MVB12A: variants seen among roughly 807,000 people sequenced by gnomAD.
The protein encoded by MVB12A is CIN85/CD2AP family binding protein.
In MVB12A, 30 loss-of-function variants were observed where a neutral mutation model predicts 34.3. That is an observed-to-expected ratio of 0.88 (90% CI 0.65 to 1.19). The LOEUF is 1.19. Ranked by LOEUF, MVB12A falls within the 50% of genes most tolerant of loss-of-function variation. MVB12A has a pLI of 0.00. For synonymous variants in MVB12A, 158 were observed against 158.9 expected (o/e 0.99, Z 0.04); for missense variants, 355 against 369.2 (o/e 0.96, Z 0.31).
intron 2 of MVB12A, among the ~76,000 whole-genome samples, chr19:17,407,993 T>C (rs2074740217): frequency 6.6e-6 from 1 of 152,234 alleles, no homozygotes; most frequent in Non-Finnish European, 1.5e-5. Flanking sequence ...ACTCTTGTCT[T>C]CTGGTCACAC....
intron 2 of MVB12A, among the ~76,000 whole-genome samples, chr19:17,411,347 AT>A (rs2074768075): frequency 6.6e-6 from 1 of 150,566 alleles, no homozygotes; most frequent in Non-Finnish European, 1.5e-5. Flanking sequence ...CCTACACCCA[AT>A]TTCCCCTCTT....
chr19:17,410,054 G>A (rs1241695004), intron 2 of MVB12A, among the ~76,000 whole-genome samples: 4 of 152,054 alleles, frequency 2.6e-5, no homozygotes, highest in Admixed American at 6.6e-5. Flanking sequence ...ACCACGCCCG[G>A]CCTTCCATTA....
In MVB12A at chr19:17,420,218, T is replaced by A; in HGVS notation, c.83T>A (p.Phe28Tyr). The change falls in exon 1 of 9, where the codon TTC (phenylalanine) becomes TAC (tyrosine). Residue 28 changes from phenylalanine to tyrosine, a missense_variant. Physicochemically the swap from Phe to Tyr is conservative, Grantham distance 22. Coordinates refer to ENST00000317040, the MANE Select transcript of MVB12A (RefSeq NM_138401.4). ...GCCTCTGCACCCCCGCCGCGGGGGT[T>A]CAGCGCGGTGAGCGGCGTCGAGGGG... Reference protein sequence around the residue: ...SSASAPPPRGFSAISCTVEGA... With the variant: ...SSASAPPPRGYSAISCTVEGA... 1.3e-6 allele frequency: 2 copies of A among 1,486,904 alleles called. No individual in the cohort carries two copies. The highest frequency in any genetic ancestry group is 2.8e-5 in the South Asian group (2 of 71,684). The allele number at this position is 1,486,904 out of a possible 1,614,324, so 92.1% of individuals were successfully genotyped here. A position where few individuals can be genotyped will look rare whatever the true frequency, so the allele number is the denominator to read the frequency against.
rs1371519052 is a variant in MVB12A, at chr19:17,420,122, G to C, written c.-14G>C. ...TGTGCCCCGCGACCCCGCCTTCGGC[G>C]CTCGGCTCGCAGGATGGATCCCGTA... is the stretch of plus-strand genomic sequence containing the variant. On this transcript the variant is annotated 5_prime_UTR_variant, in exon 1 of 9. Transcript: ENST00000317040. The C allele has an allele frequency of 1.5e-6, 2 of 1,327,676 alleles. No homozygotes were observed. 82.2% of individuals were successfully genotyped at this position (1,327,676 alleles called of 1,614,324 possible).
chr19:17,414,286 G>GA lies in MVB12A; in HGVS notation c.-5+8000dup, dbSNP rs530288981. 879 of 148,112 alleles carry GA rather than the reference G, an allele frequency of 5.9e-3. 7 individuals are homozygous for GA. The highest frequency in any genetic ancestry group is 0.045 in the Middle Eastern group (13 of 286). 9.2% of individuals were successfully genotyped at this position (148,112 alleles called of 1,614,324 possible). A position where few individuals can be genotyped will look rare whatever the true frequency, so the allele number is the denominator to read the frequency against. On this transcript the variant is annotated intron_variant, in intron 2 of 6. Coordinates refer to the MVB12A transcript ENST00000528604. ...ACAGAACAAGACTCTGTCTCAAAAGGAAAAAAAAAAGAATTCAGAATTCAC... is the reference window on the plus strand; with the variant it reads ...ACAGAACAAGACTCTGTCTCAAAAGGAAAAAAAAAAAGAATTCAGAATTCAC...
In MVB12A at chr19:17,422,042, G is replaced by C. The variant is rs185508310; in HGVS notation, c.287-290G>C. 15 of 263,624 alleles carry C rather than the reference G, an allele frequency of 5.7e-5. No homozygotes were observed. In the East Asian group the frequency reaches 1.1e-3, roughly 18 times the overall value. 16.3% of individuals were successfully genotyped at this position (263,624 alleles called of 1,614,324 possible). A position where few individuals can be genotyped will look rare whatever the true frequency, so the allele number is the denominator to read the frequency against. ...AGAGGGCTCATGGAAAGTAAGTTTT[G>C]AGGGCCACGATGGGCACCCAGCTCT... On this transcript the variant is annotated intron_variant, in intron 3 of 8. Coordinates refer to ENST00000317040, the MANE Select transcript of MVB12A (RefSeq NM_138401.4).
In MVB12A at chr19:17,421,333, C is replaced by T. The variant is rs375531075; in HGVS notation, c.286+699C>T. On this transcript the variant is annotated intron_variant, in intron 3 of 8. Transcript: ENST00000317040. ...CAGAGTAGCTGGGATTACAGGCATG[C>T]GCCACCACGCCTGGCTAATTTTGTA... Among the ~76,000 whole-genome samples, 179 of 151,922 alleles carry T rather than the reference C, an allele frequency of 1.2e-3. 2 individuals are homozygous for T. The East Asian group carries it at 0.026, about 22-fold the overall frequency.
intron 3 of MVB12A, chr19:17,421,066 T>C (rs1451967417): frequency 2.2e-6 from 1 of 461,748 alleles, no homozygotes; most frequent in South Asian, 1.5e-5. Context: ...CTACCCCTCC[T>C]CTTCTGGGCC....
chr19:17,422,347 A>C lies in MVB12A; in HGVS notation c.302A>C (p.Lys101Thr), dbSNP rs2145762770. Residue 101 changes from lysine to threonine, a missense_variant, in exon 4 of 9, where the codon AAG becomes ACG. Physicochemically the swap from Lys to Thr is moderately conservative, Grantham distance 78 (BLOSUM62 -1). Coordinates refer to ENST00000317040, the MANE Select transcript of MVB12A (RefSeq NM_138401.4). ...DPMDSKASVS[K>T]KKRMCVKLLP... ...CCACTCCCAGAGGCCTCTGTGTCCA[A>C]GAAGAAACGCATGTGTGTGAAGCTG... 6.2e-7 allele frequency: 1 copy of C among 1,612,536 alleles called. No homozygotes were observed. Among genetic ancestry groups the C allele is most frequent in the Non-Finnish European group, 8.5e-7 (1 of 1,179,168 alleles).
In MVB12A at chr19:17,424,067, G is replaced by A; in HGVS notation, c.702G>A (p.Leu234=). 6.2e-7 allele frequency: 1 copy of A among 1,614,054 alleles called. No individual in the cohort carries two copies. The highest frequency in any genetic ancestry group is 8.5e-7 in the Non-Finnish European group (1 of 1,179,974). The change falls in exon 7 of 9, where the codon CTG becomes CTA. Residue 234 remains leucine, a splice_region_variant and synonymous_variant. Transcript: ENST00000317040. The stretch of plus-strand genomic sequence containing the variant: ...TTGAGGGCAAGAGCTGCAGCCCCCT[G>A]GTGAGTCGGGGTCTCAGGGAGCCTG... ...PRFEGKSCSP[L]AFSAFGDLTI...
chr19:17,410,496 TCATATATATATATATA>T (rs2074757946), intron 2 of MVB12A, among the ~76,000 whole-genome samples: 2 of 31,514 alleles, frequency 6.3e-5, no homozygotes, highest in African/African-American at 1.0e-4. Context: ...GGTTTTAGCT[TCATATATATATATATA>T]TATATATATA....
intron 2 of MVB12A, among the ~76,000 whole-genome samples, chr19:17,410,529 T>TATATACACACAC: frequency 1.5e-4 from 11 of 74,476 alleles, no homozygotes; most frequent in African/African-American, 6.6e-4. Flanking sequence ...TATATATATA[T>TATATACACACAC]ACACACACAC....
intron 3 of MVB12A, chr19:17,421,117 C>T: frequency 4.4e-6 from 2 of 458,092 alleles, no homozygotes; most frequent in Non-Finnish European, 8.8e-6. Context: ...CCTGAACTTT[C>T]CCACCCTTTC....
At position 17,420,622 on chromosome 19, in the gene MVB12A, C is replaced by G. The variant is rs768633635; in HGVS notation, c.274C>G (p.Pro92Ala). Residue 92 changes from proline to alanine, a missense_variant, in exon 3 of 9, where the codon CCC becomes GCC. Coordinates refer to ENST00000317040, the MANE Select transcript of MVB12A (RefSeq NM_138401.4). Reference protein sequence around the residue: ...LPLGFSPVCDPMDSKASVSKK... With the variant: ...LPLGFSPVCDAMDSKASVSKK... The stretch of plus-strand genomic sequence containing the variant: ...GCTGGGCTTCTCCCCCGTCTGCGAC[C>G]CCATGGATTCCAGTAAGGGCTGCTT... The G allele has an allele frequency of 5.6e-6, 9 of 1,611,026 alleles. No individual in the cohort carries two copies. In the Admixed American group the frequency reaches 1.0e-4, roughly 18 times the overall value.
rs771622507 is a variant in MVB12A at position 17,413,164 on chromosome 19, A to T, written c.-5+6868A>T. ...GGAAGCAACAGCCATGCATTCGGGA[A>T]AGGAACTTCAGTGTTGTGTGGCTCA... On this transcript the variant is annotated intron_variant, in intron 2 of 6. Transcript: ENST00000528604. 6 of 152,044 alleles carry T rather than the reference A, an allele frequency of 3.9e-5. No individual in the cohort carries two copies. In the East Asian group the frequency reaches 1.2e-3, roughly 29 times the overall value. The allele number at this position is 152,044 out of a possible 1,614,324, so 9.4% of individuals were successfully genotyped here.
At chr19:17,409,620 G>C (rs1301918408) in intron 2 of MVB12A, among the ~76,000 whole-genome samples, 1 of 141,450 alleles carries the variant, frequency 7.1e-6, no homozygotes, top group Non-Finnish European at 1.5e-5. Context: ...GGCTAATTTT[G>C]TATTTTTAGT....
At chr19:17,413,570 T>C (rs574284486) in intron 2 of MVB12A, among the ~76,000 whole-genome samples, 1 of 152,122 alleles carries the variant, frequency 6.6e-6, no homozygotes, top group East Asian at 1.9e-4. Context: ...TCAGGTGATC[T>C]GCCACTCAGG....
chr19:17,423,319 A>G (rs976590062), intron 4 of MVB12A, among the ~76,000 whole-genome samples, 179 bp from the exon 5 acceptor site: 6 of 147,698 alleles, frequency 4.1e-5, no homozygotes, highest in Non-Finnish European at 5.9e-5. Flanking sequence ...AGATTGCGCC[A>G]TTGCACTCCA....
chr19:17,411,029 C>T (rs560360030), intron 2 of MVB12A, among the ~76,000 whole-genome samples: 80 of 144,874 alleles, frequency 5.5e-4, no homozygotes, highest in Middle Eastern at 4.2e-3. Context: ...AGTGCAGTGG[C>T]GCGATCTCCA....
Sources: gnomAD v4.1 joint callset for allele counts (sites outside exome capture counted in the v4.1 genomes callset) on GRCh38, gnomAD v4.1.1 for gene constraint, MANE v1.5 for transcripts, NCBI Gene and HGNC (gene_info 2026-07-23, HGNC 2026-07-21) for gene names.